Variants in LRP5 observed in about 807,000 individuals in gnomAD.
LRP5 encodes LDL receptor related protein 5.
A neutral mutation model predicts 154.1 loss-of-function variants in LRP5; 62 were observed. The observed-to-expected ratio is 0.40, with a 90% confidence interval of 0.33 to 0.50. The LOEUF (loss-of-function observed/expected upper bound fraction) is 0.50. LRP5 is among the 20% of genes least tolerant of loss of function. LRP5 has a pLI of 0.55. For synonymous variants in LRP5, 966 were observed against 1,011.5 expected, an observed-to-expected ratio of 0.96 and a Z score of 0.85; for missense variants, 1,915 against 2,336.7, an observed-to-expected ratio of 0.82 and a Z score of 3.72.
intron 2 of LRP5, among the ~76,000 whole-genome samples, chr11:68,354,106 C>T (rs1387491950): frequency 6.6e-6 from 1 of 152,222 alleles, no homozygotes; most frequent in African/African-American, 2.4e-5. Flanking sequence ...GGGTGAAACC[C>T]AACCCCCTCT....
At chr11:68,370,543 C>T (rs571773809) in intron 5 of LRP5, among the ~76,000 whole-genome samples, 13 of 152,308 alleles carry the variant, frequency 8.5e-5, no homozygotes, top group Non-Finnish European at 1.2e-4. Context: ...GCTGGACTAG[C>T]AGCGAGCCCT....
At chr11:68,437,088 C>G in intron 19 of LRP5, 89 bp downstream of exon 19, 1 of 1,132,142 alleles carries the variant, frequency 8.8e-7, no homozygotes. Context: ...GCCTTTCCAG[C>G]GGGGCTGGGG....
At chr11:68,308,257 G>C (rs190458126), upstream of LRP5, among the ~76,000 whole-genome samples, 109 of 152,270 alleles carry the variant, frequency 7.2e-4, no homozygotes, top group East Asian at 0.013. Flanking sequence ...TGCCGGGTTG[G>C]GGGGGGCTCT....
intron 2 of LRP5, among the ~76,000 whole-genome samples, chr11:68,352,939 T>C (rs1303737845): frequency 6.6e-6 from 1 of 151,426 alleles, no homozygotes; most frequent in Non-Finnish European, 1.5e-5. Flanking sequence ...TGGGAGTAGT[T>C]GGTGTCCAGT....
At position 68,397,972 on chromosome 11, in the gene LRP5, T is replaced by TTGTGTGTGTGTGTGTGTGTG. The variant is rs113280059; in HGVS notation, c.1585-5493_1585-5474dup. Among the ~76,000 whole-genome samples the TTGTGTGTGTGTGTGTGTGTG allele has an allele frequency of 9.6e-3, 1,358 of 142,162 alleles. 18 individuals are homozygous for TTGTGTGTGTGTGTGTGTGTG. Among genetic ancestry groups the TTGTGTGTGTGTGTGTGTGTG allele is most frequent in the South Asian group, 0.021 (89 of 4,254 alleles). The allele number at this position is 142,162 out of a possible 152,430, so 93.3% of individuals were successfully genotyped here. On this transcript the variant is annotated intron_variant, in intron 7 of 22. Coordinates refer to ENST00000294304, the MANE Select transcript of LRP5 (RefSeq NM_002335.4). ...TTTGGCACTGCAGAGCTGTGTGTGT[T>TTGTGTGTGTGTGTGTGTGTG]TGTGTGTGTGTGTGTGTGTGTGTGT...
At chr11:68,351,286 C>T (rs2098618299) in intron 2 of LRP5, among the ~76,000 whole-genome samples, 4 of 152,058 alleles carry the variant, frequency 2.6e-5, no homozygotes, top group Admixed American at 2.6e-4. Context: ...GTGGGCTAGC[C>T]ACCCCTGCAG....
At chr11:68,316,801 A>T (rs1423424102) in intron 1 of LRP5, among the ~76,000 whole-genome samples, 1 of 152,134 alleles carries the variant, frequency 6.6e-6, no homozygotes, top group Non-Finnish European at 1.5e-5. Context: ...CAAGTTGGGG[A>T]GTCAGTGCTG....
chr11:68,445,574 G>T, intron 21 of LRP5: 1 of 1,313,666 alleles, frequency 7.6e-7, no homozygotes, highest in Non-Finnish European at 1.0e-6. Flanking sequence ...ATTCCGCAGG[G>T]GCTCGGATCT....
intron 1 of LRP5, among the ~76,000 whole-genome samples, chr11:68,325,674 C>T (rs1198719675): frequency 3.9e-5 from 6 of 152,204 alleles, no homozygotes; most frequent in Admixed American, 6.5e-5. Flanking sequence ...CTGGGGGTTG[C>T]GTGTATGCGC....
chr11:68,318,992 T>C (rs2098595116), intron 1 of LRP5, among the ~76,000 whole-genome samples: 1 of 152,084 alleles, frequency 6.6e-6, no homozygotes, highest in Admixed American at 6.5e-5. Context: ...CTGAGGCCTC[T>C]GGATCGCTAG....
intron 2 of LRP5, among the ~76,000 whole-genome samples, chr11:68,351,558 G>C (rs12285801): frequency 6.6e-6 from 1 of 152,142 alleles, no homozygotes; most frequent in Non-Finnish European, 1.5e-5. Flanking sequence ...CATGGCCATC[G>C]TGTCGCCAGG....
chr11:68,390,775 T>G (rs1268239834), intron 7 of LRP5, among the ~76,000 whole-genome samples: 1 of 22,230 alleles, frequency 4.5e-5, no homozygotes, highest in African/African-American at 1.7e-4. Context: ...CGGGTTTCAG[T>G]GGCCTCGTCC....
Position 68,409,865 on chromosome 11 carries a change from AG to A in LRP5, c.2092-48del. On this transcript the variant is annotated intron_variant, in intron 9 of 22. Coordinates refer to ENST00000294304, the MANE Select transcript of LRP5 (RefSeq NM_002335.4). ...AACTCCGTCTCAAAAAAAAAAAAAA[AG>A]ATGCTGGTTCCTAAAATGTGGCCCT... 5.1e-6 allele frequency: 7 copies of A among 1,380,162 alleles called. No homozygotes were observed. The Admixed American group carries it at 7.0e-5, about 14-fold the overall frequency. 85.5% of individuals were successfully genotyped at this position (1,380,162 alleles called of 1,614,324 possible).
intron 21 of LRP5, among the ~76,000 whole-genome samples, chr11:68,443,585 A>ATATATATTTT (rs1259673892): frequency 4.0e-5 from 1 of 24,832 alleles, no homozygotes; most frequent in African/African-American, 1.6e-4. Flanking sequence ...ATATATATAT[A>ATATATATTTT]TTTTTTTTTT....
At chr11:68,339,434 G>A (rs1421386117) in intron 1 of LRP5, among the ~76,000 whole-genome samples, 1 of 152,092 alleles carries the variant, frequency 6.6e-6, no homozygotes, top group Non-Finnish European at 1.5e-5. Context: ...TGCAACCTCT[G>A]TTTCCCAGGT....
intron 20 of LRP5, 87 bp downstream of exon 20, chr11:68,438,769 C>T (rs2098676507): frequency 1.7e-6 from 2 of 1,170,856 alleles, no homozygotes; most frequent in Non-Finnish European, 2.5e-6. Context: ...ATGTGCTACC[C>T]CAGGCCCTCT....
At chr11:68,432,886 C>G (rs7116912) in intron 17 of LRP5, among the ~76,000 whole-genome samples, 28 of 152,314 alleles carry the variant, frequency 1.8e-4, no homozygotes, top group African/African-American at 6.7e-4. Flanking sequence ...CGTGGAGCCC[C>G]GAGGGGCAGG....
intron 1 of LRP5, among the ~76,000 whole-genome samples, chr11:68,347,540 G>T (rs2098614127): frequency 1.3e-5 from 2 of 152,238 alleles, no homozygotes; most frequent in Admixed American, 6.5e-5. Flanking sequence ...GATGTGGGAG[G>T]TTTTGGGCAT....
chr11:68,318,569 G>C (rs565606950), intron 1 of LRP5, among the ~76,000 whole-genome samples: 4 of 151,712 alleles, frequency 2.6e-5, no homozygotes, highest in African/African-American at 9.7e-5. Flanking sequence ...GAACTCCTGG[G>C]CTCAAGCGAT....
Sources: allele counts gnomAD v4.1 joint callset (sites outside exome capture counted in the v4.1 genomes callset), GRCh38; gene constraint gnomAD v4.1.1; transcripts MANE v1.5; gene names NCBI Gene and HGNC (gene_info 2026-07-23, HGNC 2026-07-21).